Variants in GPC3 observed in about 807,000 individuals in gnomAD.
GPC3 encodes glypican-3.
In GPC3, 3 loss-of-function variants were observed where a neutral mutation model predicts 34.4. The ratio of observed to expected loss-of-function variants is 0.09; its 90% CI spans 0.04 to 0.23. The LOEUF (loss-of-function observed/expected upper bound fraction) is 0.23, where lower values mean the gene tolerates loss of function less well. GPC3 is among the 10% of genes least tolerant of loss of function. The probability of loss-of-function intolerance (pLI) is 1.00; values close to 1 mark genes in which losing one functional copy is unlikely to be tolerated. For synonymous variants in GPC3, 177 were observed against 174.0 expected, an observed-to-expected ratio of 1.02 and a Z score of -0.13; for missense variants, 351 against 445.6, an observed-to-expected ratio of 0.79 and a Z score of 1.91.
chrX:133,634,877 G>A (rs990748098), intron 6 of GPC3, among the ~76,000 whole-genome samples: 1 of 111,864 alleles, frequency 8.9e-6, no homozygotes, highest in Admixed American at 9.5e-5. Context: ...TTGCAAGATG[G>A]AGAGATTATG....
intron 6 of GPC3, among the ~76,000 whole-genome samples, chrX:133,609,080 T>C (rs1377477626): frequency 8.9e-6 from 1 of 112,130 alleles, no homozygotes; most frequent in Non-Finnish European, 1.9e-5. Context: ...AATGGTGCCC[T>C]TGTATAATTT....
At chrX:133,837,372 A>G (rs756841288) in intron 2 of GPC3, among the ~76,000 whole-genome samples, 26 of 112,056 alleles carry the variant, frequency 2.3e-4, no homozygotes, top group Non-Finnish European at 4.7e-4. Context: ...GATGCTTCAC[A>G]GTTTTTAACA....
chrX:133,732,893 A>G (rs1228657239), intron 3 of GPC3, among the ~76,000 whole-genome samples: 1 of 110,178 alleles, frequency 9.1e-6, no homozygotes, highest in East Asian at 2.9e-4. Flanking sequence ...TTGAGACAGG[A>G]TCTCACTCTG....
At chrX:133,737,674 C>T (rs2071523821) in intron 3 of GPC3, among the ~76,000 whole-genome samples, 2 of 111,626 alleles carry the variant, frequency 1.8e-5, no homozygotes, top group South Asian at 3.8e-4. Context: ...GAACTCCACA[C>T]CCCTTTAGCT....
chrX:133,699,758 A>G (rs1305057396), intron 4 of GPC3, 137 bp downstream of exon 4: 9 of 461,728 alleles, frequency 1.9e-5, no homozygotes, highest in Admixed American at 4.4e-5. Flanking sequence ...TTGACAGATG[A>G]TAAAATTTAA....
chrX:133,982,721 A>T (rs1196916988), intron 1 of GPC3, among the ~76,000 whole-genome samples: 1 of 112,026 alleles, frequency 8.9e-6, no homozygotes, highest in Non-Finnish European at 1.9e-5. Context: ...TTGATCTGGG[A>T]CAAAGAAAGC....
intron 1 of GPC3, among the ~76,000 whole-genome samples, chrX:133,956,636 T>A (rs1250914730): frequency 1.8e-5 from 2 of 112,393 alleles, no homozygotes; most frequent in Admixed American, 1.9e-4. Flanking sequence ...ATAAAATTAA[T>A]CATTATAGAT....
At chrX:133,779,645 T>C (rs2072025443) in intron 2 of GPC3, among the ~76,000 whole-genome samples, 1 of 112,165 alleles carries the variant, frequency 8.9e-6, no homozygotes, top group Non-Finnish European at 1.9e-5. Flanking sequence ...AGCTATGAGA[T>C]GTTCATTCCA....
chrX:133,536,373 G>T, intron 7 of GPC3, 80 bp from the exon 8 acceptor site: 1 of 706,932 alleles, frequency 1.4e-6, no homozygotes, highest in Non-Finnish European at 2.2e-6. Flanking sequence ...TCGAGCATGT[G>T]TCTGGACCAC....
intron 3 of GPC3, among the ~76,000 whole-genome samples, chrX:133,737,280 T>C (rs2071520221): frequency 8.9e-6 from 1 of 112,117 alleles, no homozygotes; most frequent in South Asian, 3.7e-4. Context: ...GAATGGTGGA[T>C]ACATGCCATT....
chrX:133,572,863 C>T (rs1468064645), intron 7 of GPC3, among the ~76,000 whole-genome samples: 1 of 111,960 alleles, frequency 8.9e-6, no homozygotes, highest in East Asian at 2.8e-4. Flanking sequence ...ATTCACAACT[C>T]TTCCTGAAAT....
At chrX:133,692,318 A>G in intron 5 of GPC3, 51 bp downstream of exon 5, 2 of 1,145,128 alleles carry the variant, frequency 1.7e-6, no homozygotes, top group Non-Finnish European at 2.4e-6. Context: ...ATATAAACAT[A>G]TGACAATTAT....
chrX:133,574,871 C>T (rs766577466), intron 7 of GPC3, among the ~76,000 whole-genome samples: 1 of 111,868 alleles, frequency 8.9e-6, no homozygotes, highest in Non-Finnish European at 1.9e-5. Context: ...TTAGAATGAA[C>T]AGTTTGGGTC....
At chrX:133,647,834 T>C (rs1283605989) in intron 6 of GPC3, among the ~76,000 whole-genome samples, 1 of 112,252 alleles carries the variant, frequency 8.9e-6, no homozygotes, top group Non-Finnish European at 1.9e-5. Context: ...AGGAGCTACA[T>C]TTAATTGGAA....
chrX:133,868,778 C>T (rs1430133865), intron 2 of GPC3, among the ~76,000 whole-genome samples: 1 of 111,204 alleles, frequency 9.0e-6, no homozygotes, highest in East Asian at 2.8e-4. Context: ...ATGGGCGGGC[C>T]TCCTCCCTCC....
intron 2 of GPC3, among the ~76,000 whole-genome samples, chrX:133,864,481 G>A (rs1286266082): frequency 9.0e-6 from 1 of 111,303 alleles, no homozygotes; most frequent in East Asian, 2.8e-4. Context: ...ATGATGGTGG[G>A]TAGAAACAAA....
At chrX:133,929,341 A>G (rs2076288539) in intron 2 of GPC3, among the ~76,000 whole-genome samples, 1 of 111,349 alleles carries the variant, frequency 9.0e-6, no homozygotes, top group Admixed American at 9.6e-5. Flanking sequence ...TTGTTTTTTC[A>G]TTAAGCATGT....
chrX:133,749,914 T>C (rs2071647525), intron 3 of GPC3, among the ~76,000 whole-genome samples: 1 of 111,309 alleles, frequency 9.0e-6, no homozygotes, highest in Admixed American at 9.5e-5. Flanking sequence ...AAATGCCCAG[T>C]CCCTTTTTGA....
At chrX:133,777,079 C>G (rs1302056633) in intron 2 of GPC3, among the ~76,000 whole-genome samples, 1 of 108,705 alleles carries the variant, frequency 9.2e-6, no homozygotes, top group Non-Finnish European at 1.9e-5. Context: ...TGGGGTTTCA[C>G]TATGTTGGCC....
Sources: gnomAD v4.1 joint callset for allele counts (sites outside exome capture counted in the v4.1 genomes callset) on GRCh38, gnomAD v4.1.1 for gene constraint, MANE v1.5 for transcripts, NCBI Gene and HGNC (gene_info 2026-07-23, HGNC 2026-07-21) for gene names.